PREP: variants seen among roughly 807,000 people sequenced by gnomAD.
PREP encodes prolyl endopeptidase.
A neutral mutation model predicts 87.6 loss-of-function variants in PREP; 29 were observed. The ratio of observed to expected loss-of-function variants is 0.33; its 90% CI spans 0.25 to 0.45. The LOEUF is 0.45. Ranked by LOEUF, PREP falls within the 20% of genes least tolerant of loss-of-function variation. PREP has a pLI of 1.00. For synonymous variants in PREP, 337 were observed against 328.6 expected (o/e 1.03, Z -0.28); for missense variants, 695 against 886.5 (o/e 0.78, Z 2.74).
intron 6 of PREP, among the ~76,000 whole-genome samples, chr6:105,367,210 A>G (rs1420513524): frequency 1.3e-5 from 2 of 152,214 alleles, no homozygotes; most frequent in African/African-American, 4.8e-5. Flanking sequence ...ACTCAGATGA[A>G]GGTAAAAAAT....
At chr6:105,299,488 A>C (rs1177300064) in intron 10 of PREP, among the ~76,000 whole-genome samples, 1 of 152,194 alleles carries the variant, frequency 6.6e-6, no homozygotes, top group Non-Finnish European at 1.5e-5. Context: ...AGTCCCAGCT[A>C]TTCAGGAGGC....
intron 6 of PREP, among the ~76,000 whole-genome samples, chr6:105,368,061 C>T (rs1016406878): frequency 2.6e-5 from 4 of 152,206 alleles, no homozygotes; most frequent in Admixed American, 2.0e-4. Context: ...TGTCCCCCAA[C>T]GAAGCAGACA....
intron 5 of PREP, among the ~76,000 whole-genome samples, chr6:105,370,816 A>G (rs961923934): frequency 6.6e-6 from 1 of 152,234 alleles, no homozygotes; most frequent in Non-Finnish European, 1.5e-5. Context: ...TCTGGAAAAG[A>G]CAAAACTATA....
In PREP at chr6:105,305,398, G is replaced by T. The variant is rs543819749; in HGVS notation, c.1318-16504C>A. 7.7e-4 allele frequency among the ~76,000 whole-genome samples: 117 copies of T among 152,288 alleles called. 1 individual carries two copies. Among genetic ancestry groups the T allele is most frequent in the African/African-American group, 2.7e-3 (113 of 41,562 alleles). On this transcript the variant is annotated intron_variant, in intron 10 of 14. Coordinates refer to ENST00000652536, the MANE Select transcript of PREP (RefSeq NM_002726.5). ...CCCCGAATTAAGGACAGCATCAACA[G>T]AAGTCCTAGAATCAGGAAGCTGGCA...
At chr6:105,399,627 G>A (rs1023899801) in intron 1 of PREP, among the ~76,000 whole-genome samples, 2 of 152,066 alleles carry the variant, frequency 1.3e-5, no homozygotes, top group African/African-American at 2.4e-5. Flanking sequence ...TGTCACCACC[G>A]AACAACAGCT....
At position 105,397,820 on chromosome 6, in the gene PREP, G is replaced by A. The variant is rs562345754; in HGVS notation, c.120+33C>T. The A allele has an allele frequency of 3.6e-5, 54 of 1,514,372 alleles. No homozygotes were observed. In the South Asian group the frequency reaches 5.5e-4, roughly 15 times the overall value. The allele number at this position is 1,514,372 out of a possible 1,614,324, so 93.8% of individuals were successfully genotyped here. A position where few individuals can be genotyped will look rare whatever the true frequency, so the allele number is the denominator to read the frequency against. On this transcript the variant is annotated intron_variant, in intron 2 of 14. Transcript: ENST00000652536. ...TTTAGAGTTTGGTGCTAGCTACTAA[G>A]GCTGCCTTATCTTTAATTAGAAACC...
chr6:105,371,889 T>G (rs985175701), intron 5 of PREP, among the ~76,000 whole-genome samples: 2 of 152,198 alleles, frequency 1.3e-5, no homozygotes, highest in Admixed American at 1.3e-4. Flanking sequence ...ATAACTTTTG[T>G]TTTTTACAAG....
At chr6:105,346,247 A>G (rs1015386042) in intron 7 of PREP, among the ~76,000 whole-genome samples, 1 of 152,046 alleles carries the variant, frequency 6.6e-6, no homozygotes, top group African/African-American at 2.4e-5. Context: ...TTTCCACTCT[A>G]CGCCCAAAGA....
chr6:105,284,669 C>G (rs1041962889), intron 12 of PREP, among the ~76,000 whole-genome samples: 1 of 152,142 alleles, frequency 6.6e-6, no homozygotes. Context: ...CTCCCTCCCC[C>G]AAAGACACAG....
At position 105,278,536 on chromosome 6, in the gene PREP, A is replaced by G. The variant is rs1000473774; in HGVS notation, c.1839-98T>C. The G allele has an allele frequency of 4.4e-5, 55 of 1,263,144 alleles. 1 individual carries two copies. The South Asian group carries it at 7.7e-4, about 18-fold the overall frequency. The allele number at this position is 1,263,144 out of a possible 1,614,324, so 78.2% of individuals were successfully genotyped here. A position where few individuals can be genotyped will look rare whatever the true frequency, so the allele number is the denominator to read the frequency against. On this transcript the variant is annotated intron_variant, in intron 14 of 14. Transcript: ENST00000652536. The surrounding 1 kb of genome is among the most constrained non-coding windows in gnomAD (Gnocchi z 4.2). ...TAATTAGCAGTGAGGACTGCAGTTA[A>G]CTAGTACGTGAGTGACCACCATGGA...
intron 7 of PREP, among the ~76,000 whole-genome samples, chr6:105,337,446 T>A (rs1737988947): frequency 6.6e-6 from 1 of 152,174 alleles, no homozygotes; most frequent in Non-Finnish European, 1.5e-5. Context: ...TTAGGAGAAT[T>A]CACATCCTGT....
At chr6:105,330,128 T>C (rs1007399950) in intron 8 of PREP, among the ~76,000 whole-genome samples, 2 of 152,196 alleles carry the variant, frequency 1.3e-5, no homozygotes, top group Admixed American at 6.5e-5. Context: ...GGTGGTGGCC[T>C]GATAGGCCAT....
At chr6:105,314,182 G>A (rs547683079) in intron 10 of PREP, among the ~76,000 whole-genome samples, 4 of 152,298 alleles carry the variant, frequency 2.6e-5, no homozygotes, top group African/African-American at 9.6e-5. Context: ...ATGATCATCT[G>A]GGTCTTCAGT....
At chr6:105,296,485 A>G (rs191123124) in intron 10 of PREP, among the ~76,000 whole-genome samples, 21 of 152,130 alleles carry the variant, frequency 1.4e-4, no homozygotes, top group Non-Finnish European at 2.8e-4. Context: ...CCTCTCTTAT[A>G]AAACATTCTC....
At chr6:105,387,544 C>T (rs1441653773) in intron 2 of PREP, among the ~76,000 whole-genome samples, 2 of 148,138 alleles carry the variant, frequency 1.4e-5, no homozygotes, top group African/African-American at 2.5e-5. Flanking sequence ...CTGGGCCACA[C>T]TGGAAGAAGA....
chr6:105,276,651 G>T lies in PREP; in HGVS notation c.*1493C>A, dbSNP rs998039928. ...CACACTTTGTTTCCAGAGGAGTTAT[G>T]GTGAATCTTATACTCAATGACAACT... On this transcript the variant is annotated 3_prime_UTR_variant, in exon 15 of 15. Transcript: ENST00000652536. Among the ~76,000 whole-genome samples, 31 of 152,156 alleles carry T rather than the reference G, an allele frequency of 2.0e-4. No individual in the cohort carries two copies. The highest frequency in any genetic ancestry group is 7.2e-4 in the African/African-American group (30 of 41,430).
intron 6 of PREP, among the ~76,000 whole-genome samples, chr6:105,367,036 A>G (rs957619191): frequency 6.6e-6 from 1 of 152,180 alleles, no homozygotes; most frequent in African/African-American, 2.4e-5. Context: ...GTTGTACAAC[A>G]ATGTCAATGA....
chr6:105,346,210 A>G (rs1771792161), intron 7 of PREP, among the ~76,000 whole-genome samples: 1 of 152,184 alleles, frequency 6.6e-6, no homozygotes, highest in African/African-American at 2.4e-5. Flanking sequence ...TCCTTTGCTT[A>G]AAGCTTCTCG....
intron 2 of PREP, among the ~76,000 whole-genome samples, chr6:105,387,622 AAAAAAAG>A (rs1182706546): frequency 1.7e-5 from 1 of 58,816 alleles, no homozygotes; most frequent in Non-Finnish European, 3.1e-5. Context: ...AAAAAAAAAG[AAAAAAAG>A]AAAAAAAGAA....
Sources: gnomAD v4.1 joint callset for allele counts (sites outside exome capture counted in the v4.1 genomes callset) on GRCh38, gnomAD v4.1.1 for gene constraint, Gnocchi (gnomAD v3.1) non-coding constraint, MANE v1.5 for transcripts, NCBI Gene and HGNC (gene_info 2026-07-23, HGNC 2026-07-21) for gene names.